Variants in MAN1C1 observed in about 807,000 individuals in gnomAD.
MAN1C1 encodes the protein mannosidase alpha class 1C member 1, also known as mannosyl-oligosaccharide 1,2-alpha-mannosidase IC.
In MAN1C1, 49 loss-of-function variants were observed where a neutral mutation model predicts 71.5. The ratio of observed to expected loss-of-function variants is 0.69; its 90% confidence interval spans 0.54 to 0.87. MAN1C1 has a LOEUF of 0.87. Among genes scored for constraint, MAN1C1 ranks in the 40% least tolerant of loss-of-function variants. MAN1C1 has a pLI of 0.00. For missense variants in MAN1C1, 743 were observed against 835.0 expected, an observed-to-expected ratio of 0.89 and a Z score of 1.36; for synonymous variants, 352 against 343.7, an observed-to-expected ratio of 1.02 and a Z score of -0.27.
intron 1 of MAN1C1, among the ~76,000 whole-genome samples, chr1:25,629,358 G>A (rs1270679872): frequency 6.6e-6 from 1 of 152,178 alleles, no homozygotes; most frequent in Admixed American, 6.5e-5. Flanking sequence ...GATTAGTGAT[G>A]TAGAGCATTT....
intron 1 of MAN1C1, among the ~76,000 whole-genome samples, chr1:25,670,854 G>A (rs1222827731): frequency 6.6e-6 from 1 of 152,114 alleles, no homozygotes; most frequent in Non-Finnish European, 1.5e-5. Context: ...CTCTGATTTA[G>A]CCTCTTGCAT....
At chr1:25,684,955 A>G (rs957255701) in intron 1 of MAN1C1, among the ~76,000 whole-genome samples, 3 of 152,250 alleles carry the variant, frequency 2.0e-5, no homozygotes, top group Admixed American at 2.0e-4. Flanking sequence ...TGCTGAATCA[A>G]AAACTCAGGG....
intron 2 of MAN1C1, among the ~76,000 whole-genome samples, chr1:25,743,041 G>A (rs951387939): frequency 2.0e-5 from 3 of 152,188 alleles, no homozygotes; most frequent in African/African-American, 7.2e-5. Context: ...GATGTATCTA[G>A]GCCAGGTGTG....
intron 6 of MAN1C1, 66 bp from the exon 7 acceptor site, chr1:25,763,808 A>G: frequency 7.6e-7 from 1 of 1,314,320 alleles, no homozygotes. Context: ...TCCCATCCTC[A>G]GCAGGCTGGG....
chr1:25,720,110 C>T (rs1322256143), intron 2 of MAN1C1, among the ~76,000 whole-genome samples: 20 of 152,166 alleles, frequency 1.3e-4, no homozygotes, highest in Admixed American at 1.3e-3. Flanking sequence ...TTGCATTTCC[C>T]TAATGTCTAA....
chr1:25,765,492 C>T (rs910077752), intron 7 of MAN1C1, among the ~76,000 whole-genome samples: 3 of 152,212 alleles, frequency 2.0e-5, no homozygotes, highest in Non-Finnish European at 4.4e-5. Context: ...TCAGCAAGGG[C>T]TCAGGGGCAA....
Position 25,778,039 on chromosome 1 carries a change from C to CT in MAN1C1, c.1258-63dup. The CT allele has an allele frequency of 8.0e-7, 1 of 1,245,840 alleles. No homozygotes were observed. Among genetic ancestry groups the CT allele is most frequent in the Non-Finnish European group, 1.1e-6 (1 of 898,014 alleles). 77.2% of individuals were successfully genotyped at this position (1,245,840 alleles called of 1,614,324 possible). A position where few individuals can be genotyped will look rare whatever the true frequency, so the allele number is the denominator to read the frequency against. ...GTCTCCAAAATGTTCATTTTCCATC[C>CT]TTTCCCCCCCTTCTCTGTGCCCTCC... On this transcript the variant is annotated intron_variant, in intron 8 of 11. Transcript: ENST00000374332. This position sits in a 1 kb window ranked among gnomAD's most constrained non-coding sequence, Gnocchi z 5.5.
At chr1:25,674,976 G>A (rs2046044164) in intron 1 of MAN1C1, among the ~76,000 whole-genome samples, 1 of 152,188 alleles carries the variant, frequency 6.6e-6, no homozygotes, top group Non-Finnish European at 1.5e-5. Flanking sequence ...GGATTAGGGT[G>A]GTGCTCATGG....
chr1:25,701,814 C>T (rs1488258848), intron 2 of MAN1C1, among the ~76,000 whole-genome samples: 1 of 152,212 alleles, frequency 6.6e-6, no homozygotes, highest in Non-Finnish European at 1.5e-5. Flanking sequence ...AATCCCGGCA[C>T]TTTGGGAGGC....
At chr1:25,632,638 T>C (rs2045399536) in intron 1 of MAN1C1, among the ~76,000 whole-genome samples, 1 of 152,206 alleles carries the variant, frequency 6.6e-6, no homozygotes. Context: ...CTTTTAGTGC[T>C]ATAAACTTTC....
intron 1 of MAN1C1, among the ~76,000 whole-genome samples, 160 bp from the exon 2 acceptor site, chr1:25,686,280 A>G (rs1359963451): frequency 6.6e-6 from 1 of 152,230 alleles, no homozygotes; most frequent in Non-Finnish European, 1.5e-5. Flanking sequence ...AACTGTACAA[A>G]TAAAATCATG....
At chr1:25,772,333 G>A (rs373161241) in intron 8 of MAN1C1, 1 of 154,742 alleles carries the variant, frequency 6.5e-6, no homozygotes, top group South Asian at 2.0e-4. Flanking sequence ...ACACAGCACA[G>A]AGCTGGCCAA....
In MAN1C1 at chr1:25,616,889, CTGGA is replaced by C. The variant is rs1314163965; in HGVS notation, c.-908_-905del. ...CGCAGGCTCGGCGGCAGCGGCCGGTCTGGAGCGGCCGCTGCGAGGAAGACAGCTG... is the reference window on the plus strand; with the variant it reads ...CGCAGGCTCGGCGGCAGCGGCCGGTCGCGGCCGCTGCGAGGAAGACAGCTG... On this transcript the variant is annotated 5_prime_UTR_variant, in exon 1 of 12. Coordinates refer to ENST00000374332, the MANE Select transcript of MAN1C1 (RefSeq NM_020379.4). The surrounding 1 kb of genome is among the most constrained non-coding windows in gnomAD (Gnocchi z 5.6). Among the ~76,000 whole-genome samples the C allele has an allele frequency of 6.7e-6, 1 of 149,228 alleles. No individual in the cohort carries two copies. The highest frequency in any genetic ancestry group is 2.0e-4 in the East Asian group (1 of 5,076).
At chr1:25,660,432 G>A (rs12730784) in intron 1 of MAN1C1, among the ~76,000 whole-genome samples, 1 of 121,418 alleles carries the variant, frequency 8.2e-6, no homozygotes, top group Non-Finnish European at 1.6e-5. Flanking sequence ...TTTGAGTGTC[G>A]CCTAGGCTGG....
chr1:25,750,720 C>T (rs2047202753), intron 4 of MAN1C1, among the ~76,000 whole-genome samples: 1 of 152,224 alleles, frequency 6.6e-6, no homozygotes. Context: ...TGGAAGCCCT[C>T]GGCTTTGAGC....
chr1:25,619,446 C>G (rs1317931381), intron 1 of MAN1C1, among the ~76,000 whole-genome samples: 1 of 152,238 alleles, frequency 6.6e-6, no homozygotes, highest in African/African-American at 2.4e-5. Context: ...CCTGTCAAGA[C>G]CTGCTCAGAG....
chr1:25,710,662 T>C (rs572633207), intron 2 of MAN1C1, among the ~76,000 whole-genome samples: 202 of 152,332 alleles, frequency 1.3e-3, no homozygotes, highest in Admixed American at 4.4e-3. Context: ...TCTGGAAGCA[T>C]GATTCTAGAA....
intron 2 of MAN1C1, among the ~76,000 whole-genome samples, chr1:25,734,534 A>G (rs2046954700): frequency 6.6e-6 from 1 of 152,244 alleles, no homozygotes. Context: ...GGCATTTAGA[A>G]TTCCACATTC....
chr1:25,742,851 C>T (rs753344465), intron 2 of MAN1C1, among the ~76,000 whole-genome samples: 75 of 152,292 alleles, frequency 4.9e-4, no homozygotes, highest in African/African-American at 1.7e-3. Context: ...GCCAAAGGTC[C>T]GAACCCTCCC....
Sources: gnomAD v4.1 joint callset for allele counts (sites outside exome capture counted in the v4.1 genomes callset) on GRCh38, gnomAD v4.1.1 for gene constraint, Gnocchi (gnomAD v3.1) non-coding constraint, MANE v1.5 for transcripts, NCBI Gene and HGNC (gene_info 2026-07-23, HGNC 2026-07-21) for gene names.